The following TRDN variants were observed in gnomAD, a reference collection of about 807,000 sequenced individuals.
TRDN encodes triadin in skeletal muscle.
A neutral mutation model predicts 149.7 loss-of-function variants in TRDN; 161 were observed. The observed-to-expected ratio is 1.08, with a 90% CI of 0.95 to 1.23. The LOEUF is 1.23. Among genes scored for constraint, TRDN ranks in the 50% most tolerant of loss-of-function variants. TRDN has a pLI of 0.00. For missense variants in TRDN, 896 were observed against 823.5 expected, an observed-to-expected ratio of 1.09 and a Z score of -1.08; for synonymous variants, 294 against 250.5, an observed-to-expected ratio of 1.17 and a Z score of -1.64.
At chr6:123,501,950 T>C (rs1388125126) in intron 8 of TRDN, 17 of 985,032 alleles carry the variant, frequency 1.7e-5, no homozygotes, top group Non-Finnish European at 1.8e-5. Context: ...ATCAATAAAA[T>C]GTGGCTCCCA....
chr6:123,263,843 A>T (rs1364822953), intron 33 of TRDN, among the ~76,000 whole-genome samples: 1 of 152,064 alleles, frequency 6.6e-6, no homozygotes, highest in South Asian at 2.1e-4. Flanking sequence ...AATTATGCCA[A>T]ATCTACTCTG....
chr6:123,233,103 C>T (rs1775666853), intron 38 of TRDN, among the ~76,000 whole-genome samples: 1 of 152,020 alleles, frequency 6.6e-6, no homozygotes, highest in African/African-American at 2.4e-5. Flanking sequence ...TGCAGAGATA[C>T]CCAAAGCTCC....
intron 24 of TRDN, among the ~76,000 whole-genome samples, chr6:123,288,240 C>T (rs1452846066): frequency 6.6e-6 from 1 of 151,988 alleles, no homozygotes; most frequent in African/African-American, 2.4e-5. Context: ...ATAAAATCAA[C>T]TCAAAATTGA....
intron 20 of TRDN, among the ~76,000 whole-genome samples, chr6:123,364,609 C>T (rs1296768426): frequency 6.6e-6 from 1 of 152,190 alleles, no homozygotes; most frequent in Admixed American, 6.5e-5. Context: ...GATCGTGCCA[C>T]TGCACTCCAG....
chr6:123,557,153 T>C lies in TRDN; in HGVS notation c.233-8541A>G, dbSNP rs937458636. ...ACGGCCGCACCCCATCTCCCTTCAC[T>C]GACTCTCTTTTCAGACTCAGCCCGC... On this transcript the variant is annotated intron_variant, in intron 2 of 40. Transcript: ENST00000334268. Among the ~76,000 whole-genome samples, 3 of 146,800 alleles carry C rather than the reference T, an allele frequency of 2.0e-5. No homozygotes were observed. The Admixed American group carries it at 2.1e-4, about 10-fold the overall frequency.
At chr6:123,565,260 A>C (rs1782221488) in intron 2 of TRDN, among the ~76,000 whole-genome samples, 1 of 152,204 alleles carries the variant, frequency 6.6e-6, no homozygotes, top group South Asian at 2.1e-4. Flanking sequence ...GATCTCCGGC[A>C]GCCTTTCTAA....
Position 123,252,418 on chromosome 6 carries a change from C to A in TRDN, c.1969G>T (p.Val657Leu). ...NVTKAEKPAR[V>L]SKDVEDVPAS... is the part of the protein sequence containing the mutation. ...TAATACAAACCGTACTTACTTGATA[C>A]TCTTGCAGGTTTTTCTGCTAAAAAG... The change falls in exon 38 of 41, where the codon GTA becomes TTA. Residue 657 changes from valine to leucine, a missense_variant. By Grantham distance (32) the Val-to-Leu change is conservative (BLOSUM62 1). Coordinates refer to ENST00000334268, the MANE Select transcript of TRDN (RefSeq NM_006073.4). 1 of 1,520,248 alleles carries A rather than the reference C, an allele frequency of 6.6e-7. No individual in the cohort carries two copies. Among genetic ancestry groups the A allele is most frequent in the Non-Finnish European group, 9.0e-7 (1 of 1,114,746 alleles). The allele number at this position is 1,520,248 out of a possible 1,614,324, so 94.2% of individuals were successfully genotyped here. A position where few individuals can be genotyped will look rare whatever the true frequency, so the allele number is the denominator to read the frequency against.
intron 9 of TRDN, among the ~76,000 whole-genome samples, chr6:123,491,766 T>G (rs1183718109): frequency 6.6e-6 from 1 of 152,206 alleles, no homozygotes; most frequent in Middle Eastern, 3.2e-3. Flanking sequence ...CCGAAACTTT[T>G]GTTGTGTGAA....
Position 123,274,669 on chromosome 6 carries a change from C to G in TRDN, c.1569G>C (p.Glu523Asp). 6.2e-7 allele frequency: 1 copy of G among 1,607,392 alleles called. No individual in the cohort carries two copies. The highest frequency in any genetic ancestry group is 8.5e-7 in the Non-Finnish European group (1 of 1,176,492). ...GTTTTGCTTCTTTTTTAATTTGGGGCTCTGAGGGAGAGAAAAGGCAGAAAA... is the reference window on the plus strand; with the variant it reads ...GTTTTGCTTCTTTTTTAATTTGGGGGTCTGAGGGAGAGAAAAGGCAGAAAA... Reference protein sequence around the residue: ...QLQGKKEEKPEPQIKKEAKPA... With the variant: ...QLQGKKEEKPDPQIKKEAKPA... The change falls in exon 27 of 41, where the codon GAG (glutamate) becomes GAC (aspartate). Residue 523 changes from glutamate (E) to aspartate (D), a missense_variant and splice_region_variant. By Grantham distance (45) the Glu-to-Asp change is conservative. Coordinates refer to ENST00000334268, the MANE Select transcript of TRDN (RefSeq NM_006073.4).
At chr6:123,451,593 C>G (rs186184492) in intron 10 of TRDN, among the ~76,000 whole-genome samples, 2 of 151,838 alleles carry the variant, frequency 1.3e-5, no homozygotes, top group Non-Finnish European at 2.9e-5. Flanking sequence ...AGCAGCAAGA[C>G]TGAAATCATA....
At chr6:123,337,817 G>T (rs185238158) in intron 21 of TRDN, 148 bp from the exon 22 acceptor site, 57 of 491,310 alleles carry the variant, frequency 1.2e-4, no homozygotes, top group Admixed American at 6.1e-4. Context: ...GGCATATGTT[G>T]TCTATAAGAC....
chr6:123,416,794 C>T (rs1290638120), intron 12 of TRDN, among the ~76,000 whole-genome samples: 3 of 151,798 alleles, frequency 2.0e-5, no homozygotes, highest in South Asian at 2.1e-4. Context: ...CTCCGTCTCC[C>T]GGGTCCAAGC....
intron 21 of TRDN, among the ~76,000 whole-genome samples, chr6:123,342,364 G>C (rs1018745707): frequency 7.2e-5 from 11 of 151,802 alleles, no homozygotes; most frequent in African/African-American, 2.7e-4. Context: ...CTCTTTCAAA[G>C]AAAATTTTAT....
intron 1 of TRDN, among the ~76,000 whole-genome samples, chr6:123,611,121 G>A (rs1784789906): frequency 6.6e-6 from 1 of 152,114 alleles, no homozygotes; most frequent in African/African-American, 2.4e-5. Context: ...GCTGAAAGAA[G>A]TAATTTACTT....
intron 38 of TRDN, among the ~76,000 whole-genome samples, chr6:123,232,726 G>A (rs547816558): frequency 1.3e-4 from 20 of 152,108 alleles, no homozygotes; most frequent in African/African-American, 4.8e-4. Flanking sequence ...ATACAAAAGA[G>A]TAAAAAGAGA....
At chr6:123,518,212 T>C (rs1461885085) in intron 5 of TRDN, among the ~76,000 whole-genome samples, 1 of 152,150 alleles carries the variant, frequency 6.6e-6, no homozygotes, top group Non-Finnish European at 1.5e-5. Context: ...ATTGAGATAT[T>C]ATTTTTTTCC....
intron 12 of TRDN, among the ~76,000 whole-genome samples, chr6:123,395,035 A>T (rs1422808149): frequency 6.6e-6 from 1 of 152,158 alleles, no homozygotes; most frequent in Admixed American, 6.5e-5. Context: ...ATTTCAACAA[A>T]TGAGCACCAT....
chr6:123,385,659 C>T (rs1321335252), intron 14 of TRDN, among the ~76,000 whole-genome samples: 1 of 152,058 alleles, frequency 6.6e-6, no homozygotes. Context: ...GACTAATTCT[C>T]ACATGTATTC....
chr6:123,364,851 C>T (rs552082816), intron 20 of TRDN, among the ~76,000 whole-genome samples: 39 of 152,242 alleles, frequency 2.6e-4, no homozygotes, highest in African/African-American at 9.4e-4. Flanking sequence ...TAGTGATTTT[C>T]TCTGACACTA....
Sources: allele counts gnomAD v4.1 joint callset (sites outside exome capture counted in the v4.1 genomes callset), GRCh38; gene constraint gnomAD v4.1.1; transcripts MANE v1.5; gene names NCBI Gene and HGNC (gene_info 2026-07-23, HGNC 2026-07-21).